The following DPYD variants were observed in gnomAD, a reference collection of about 807,000 sequenced individuals.
DPYD encodes dihydropyrimidine dehydrogenase.
A neutral mutation model predicts 116.2 loss-of-function variants in DPYD; 109 were observed. That is an observed-to-expected ratio of 0.94 (90% CI 0.80 to 1.10). The LOEUF (loss-of-function observed/expected upper bound fraction) is 1.10, where lower values mean the gene tolerates loss of function less well. Among genes scored for constraint, DPYD ranks in the 50% least tolerant of loss-of-function variants. The probability of loss-of-function intolerance (pLI) is 0.00; values close to 1 mark genes in which losing one functional copy is unlikely to be tolerated. For missense variants in DPYD, 1,302 were observed against 1,254.5 expected (o/e 1.04, Z -0.57); for synonymous variants, 440 against 432.0 (o/e 1.02, Z -0.23).
chr1:97,683,474 A>G (rs1474846078), intron 7 of DPYD, among the ~76,000 whole-genome samples: 1 of 151,860 alleles, frequency 6.6e-6, no homozygotes, highest in Non-Finnish European at 1.5e-5. Flanking sequence ...AAGGTAATCA[A>G]TTAGAATTCT....
intron 10 of DPYD, among the ~76,000 whole-genome samples, chr1:97,575,699 AG>A (rs1250291806): frequency 6.6e-6 from 1 of 152,178 alleles, no homozygotes; most frequent in Non-Finnish European, 1.5e-5. Context: ...CTCCTCAGAC[AG>A]GAAGATTAGA....
chr1:97,905,577 C>CG (rs1263284686), intron 1 of DPYD, among the ~76,000 whole-genome samples: 33 of 152,034 alleles, frequency 2.2e-4, no homozygotes, highest in Non-Finnish European at 5.9e-5. Flanking sequence ...CCAAAGTGGC[C>CG]GGCAAAGGAC....
chr1:97,865,680 A>G (rs886759007), intron 2 of DPYD, among the ~76,000 whole-genome samples: 2 of 151,964 alleles, frequency 1.3e-5, no homozygotes, highest in Non-Finnish European at 2.9e-5. Context: ...AATAACAATT[A>G]TGTGCCAATT....
intron 5 of DPYD, among the ~76,000 whole-genome samples, chr1:97,708,282 G>T (rs190148288): frequency 6.6e-6 from 1 of 151,992 alleles, no homozygotes; most frequent in Non-Finnish European, 1.5e-5. Flanking sequence ...CTGTAGTTTT[G>T]TATTTTACAT....
At chr1:97,614,253 G>C (rs765637071) in intron 8 of DPYD, among the ~76,000 whole-genome samples, 2 of 151,968 alleles carry the variant, frequency 1.3e-5, no homozygotes, top group African/African-American at 4.8e-5. Flanking sequence ...TAAAGATATA[G>C]GTAAGGTGTT....
chr1:97,613,326 A>C (rs1656063528), intron 8 of DPYD, among the ~76,000 whole-genome samples: 1 of 152,072 alleles, frequency 6.6e-6, no homozygotes, highest in Admixed American at 6.6e-5. Context: ...TATTTCCTTT[A>C]TCACACTCTT....
At position 97,087,226 on chromosome 1, in the gene DPYD, T is replaced by C. The variant is rs531799038; in HGVS notation, c.2767-4756A>G. ...TTGGGAAAGAACCTGGAGCAACATT[T>C]ATTTTTCATCAGTGTGGTATAGTGA... On this transcript the variant is annotated intron_variant, in intron 21 of 22. Coordinates refer to ENST00000370192, the MANE Select transcript of DPYD (RefSeq NM_000110.4). Among the ~76,000 whole-genome samples the C allele has an allele frequency of 3.9e-5, 6 of 152,342 alleles. No individual in the cohort carries two copies. In the East Asian group the frequency reaches 1.2e-3, roughly 29 times the overall value.
intron 20 of DPYD, among the ~76,000 whole-genome samples, chr1:97,104,871 CAA>C (rs764237589): frequency 2.6e-5 from 4 of 152,092 alleles, no homozygotes; most frequent in Non-Finnish European, 5.9e-5. Flanking sequence ...TAATGTCAAT[CAA>C]GAGAAGAAAG....
chr1:97,128,626 A>G (rs2101661203), intron 20 of DPYD, among the ~76,000 whole-genome samples: 1 of 152,246 alleles, frequency 6.6e-6, no homozygotes, highest in Non-Finnish European at 1.5e-5. Flanking sequence ...AAAATGTAAA[A>G]TGCTCTTACG....
chr1:97,775,399 T>C (rs1571337568), intron 3 of DPYD, among the ~76,000 whole-genome samples: 1 of 152,204 alleles, frequency 6.6e-6, no homozygotes, highest in South Asian at 2.1e-4. Context: ...TGGTAACCTA[T>C]CTGTCCCTTT....
chr1:97,374,650 C>T (rs542238045), intron 15 of DPYD, among the ~76,000 whole-genome samples: 2 of 129,246 alleles, frequency 1.5e-5, no homozygotes, highest in African/African-American at 5.8e-5. Flanking sequence ...ACCCAGGAGG[C>T]GCAGCTTGCA....
At chr1:97,212,163 C>T (rs1660073879) in intron 19 of DPYD, among the ~76,000 whole-genome samples, 1 of 152,032 alleles carries the variant, frequency 6.6e-6, no homozygotes, top group Admixed American at 6.6e-5. Flanking sequence ...TCACCACAAC[C>T]TGGTTTTACG....
intron 8 of DPYD, among the ~76,000 whole-genome samples, chr1:97,642,230 G>A (rs1657952352): frequency 6.6e-6 from 1 of 151,006 alleles, no homozygotes; most frequent in Non-Finnish European, 1.5e-5. Context: ...TTTCTTCATA[G>A]AAAAAAAAAT....
At chr1:97,469,331 T>C (rs1159954527) in intron 13 of DPYD, among the ~76,000 whole-genome samples, 1 of 142,800 alleles carries the variant, frequency 7.0e-6, no homozygotes, top group Non-Finnish European at 1.5e-5. Flanking sequence ...GAGTGATTTA[T>C]ATACACTGCA....
chr1:97,327,880 C>T (rs1281759201), intron 16 of DPYD, among the ~76,000 whole-genome samples: 2 of 152,064 alleles, frequency 1.3e-5, no homozygotes, highest in African/African-American at 4.8e-5. Flanking sequence ...ATGCTACGTG[C>T]TGTGTTCATA....
At chr1:97,394,064 G>T (rs1313959746) in intron 14 of DPYD, 1 of 152,116 alleles carries the variant, frequency 6.6e-6, no homozygotes, top group Non-Finnish European at 1.5e-5. Context: ...ATCTTTTCAT[G>T]TGTCTTTTGG....
chr1:97,517,520 CA>C (rs957988904), intron 12 of DPYD, among the ~76,000 whole-genome samples: 1 of 152,002 alleles, frequency 6.6e-6, no homozygotes, highest in Non-Finnish European at 1.5e-5. Context: ...ATTAAATAAA[CA>C]AACAAACAAC....
intron 7 of DPYD, among the ~76,000 whole-genome samples, chr1:97,685,617 T>A (rs970869856): frequency 1.3e-5 from 2 of 152,092 alleles, no homozygotes; most frequent in African/African-American, 2.4e-5. Flanking sequence ...ATAGGTTAAG[T>A]TGATAAGCAA....
intron 20 of DPYD, among the ~76,000 whole-genome samples, chr1:97,125,374 A>AT (rs376952743): frequency 6.6e-6 from 1 of 152,212 alleles, no homozygotes; most frequent in South Asian, 2.1e-4. Context: ...GTTCTGATGC[A>AT]TTTTTTCTCA....
Sources: gnomAD v4.1 joint callset for allele counts (sites outside exome capture counted in the v4.1 genomes callset) on GRCh38, gnomAD v4.1.1 for gene constraint, MANE v1.5 for transcripts, NCBI Gene and HGNC (gene_info 2026-07-23, HGNC 2026-07-21) for gene names.